LYPLAL1: variants seen among roughly 807,000 people sequenced by gnomAD.
LYPLAL1 encodes lysophospholipase like 1.
LYPLAL1 carries 23 observed loss-of-function variants against 19.7 expected under a neutral mutation model. The observed-to-expected ratio is 1.17, with a 90% confidence interval of 0.84 to 1.65. The LOEUF (loss-of-function observed/expected upper bound fraction) is 1.65. Among genes scored for constraint, LYPLAL1 ranks in the 40% most tolerant of loss-of-function variants. LYPLAL1 has a pLI of 0.00. For missense variants in LYPLAL1, 355 were observed against 279.4 expected (o/e 1.27, Z -1.93); for synonymous variants, 119 against 96.3 (o/e 1.24, Z -1.38).
chr1:219,264,616 A>C, the LYPLAL1 span, among the ~76,000 whole-genome samples: 1 of 152,166 alleles, frequency 6.6e-6, no homozygotes, highest in Non-Finnish European at 1.5e-5. Flanking sequence ...GGGGGTGGGC[A>C]GTCTGGAGTC....
At chr1:219,436,227 T>C in the LYPLAL1 span, among the ~76,000 whole-genome samples, 1 of 152,192 alleles carries the variant, frequency 6.6e-6, no homozygotes, top group Non-Finnish European at 1.5e-5. Flanking sequence ...CACTTGGACA[T>C]AAAAGTCTGG....
At chr1:219,378,454 G>A in the LYPLAL1 span, among the ~76,000 whole-genome samples, 2 of 152,200 alleles carry the variant, frequency 1.3e-5, no homozygotes, top group Non-Finnish European at 2.9e-5. Flanking sequence ...TACCTCCCAC[G>A]ACACATGGGG....
the LYPLAL1 span, among the ~76,000 whole-genome samples, chr1:219,328,775 C>A: frequency 6.6e-6 from 1 of 152,152 alleles, no homozygotes; most frequent in Admixed American, 6.5e-5. Context: ...GTGCTAATGT[C>A]ATCATTTGCC....
the LYPLAL1 span, among the ~76,000 whole-genome samples, chr1:219,280,495 G>A: frequency 8.6e-5 from 13 of 152,028 alleles, no homozygotes; most frequent in Non-Finnish European, 1.9e-4. Context: ...GTGGGAGAGG[G>A]GAGATGAAGG....
At chr1:219,410,692 C>A in the LYPLAL1 span, among the ~76,000 whole-genome samples, 2 of 152,186 alleles carry the variant, frequency 1.3e-5, no homozygotes, top group African/African-American at 4.8e-5. Flanking sequence ...GCGGCACTTG[C>A]GGGCCAGCTG....
chr1:219,269,139 G>A, the LYPLAL1 span, among the ~76,000 whole-genome samples: 1 of 152,212 alleles, frequency 6.6e-6, no homozygotes, highest in Non-Finnish European at 1.5e-5. Flanking sequence ...TGAATGGAGA[G>A]ACTGGAGATT....
At chr1:219,441,771 C>T in the LYPLAL1 span, among the ~76,000 whole-genome samples, 1 of 152,130 alleles carries the variant, frequency 6.6e-6, no homozygotes, top group East Asian at 1.9e-4. Context: ...AGCATACTCT[C>T]CACTCATTCC....
chr1:219,241,134 C>CTCTATA, the LYPLAL1 span, among the ~76,000 whole-genome samples: 624 of 44,322 alleles, frequency 0.014, 7 homozygotes, highest in Admixed American at 0.024. Context: ...CTCTCTCTCT[C>CTCTATA]TATATATATA....
At chr1:219,189,515 A>G (rs930463759) in intron 2 of LYPLAL1, among the ~76,000 whole-genome samples, 3 of 151,590 alleles carry the variant, frequency 2.0e-5, no homozygotes, top group African/African-American at 7.3e-5. Flanking sequence ...TTCTGGGAGG[A>G]GGAAGGTTTG....
chr1:219,393,432 C>A, the LYPLAL1 span, among the ~76,000 whole-genome samples: 1 of 152,126 alleles, frequency 6.6e-6, no homozygotes. Context: ...TCATAGCCAC[C>A]CTGGATGCCA....
chr1:219,186,635 T>A (rs1656746487), intron 2 of LYPLAL1, among the ~76,000 whole-genome samples: 1 of 151,856 alleles, frequency 6.6e-6, no homozygotes, highest in Non-Finnish European at 1.5e-5. Context: ...TCAGCTTCCC[T>A]ATGCTTATTG....
At chr1:219,288,737 G>A in the LYPLAL1 span, among the ~76,000 whole-genome samples, 1 of 152,196 alleles carries the variant, frequency 6.6e-6, no homozygotes, top group South Asian at 2.1e-4. Flanking sequence ...AATGGGGAAG[G>A]CTGACCATAT....
chr1:219,243,035 C>G, the LYPLAL1 span, among the ~76,000 whole-genome samples: 1 of 152,094 alleles, frequency 6.6e-6, no homozygotes, highest in Admixed American at 6.5e-5. Context: ...GAAAGAATGG[C>G]TGGAAGGGAG....
At chr1:219,423,782 A>G in the LYPLAL1 span, among the ~76,000 whole-genome samples, 6 of 152,116 alleles carry the variant, frequency 3.9e-5, no homozygotes, top group African/African-American at 1.2e-4. Context: ...CTCAGACACT[A>G]TACTTAGTAA....
At chr1:219,363,308 A>G in the LYPLAL1 span, among the ~76,000 whole-genome samples, 3 of 152,150 alleles carry the variant, frequency 2.0e-5, no homozygotes, top group Non-Finnish European at 4.4e-5. Flanking sequence ...TAGCACTTGA[A>G]ATATGCCTAG....
chr1:219,438,019 G>A, the LYPLAL1 span, among the ~76,000 whole-genome samples: 9 of 152,104 alleles, frequency 5.9e-5, no homozygotes, highest in Admixed American at 2.6e-4. Context: ...CAACCGCCTC[G>A]GCCTCCCAAA....
At chr1:219,404,135 C>T in the LYPLAL1 span, among the ~76,000 whole-genome samples, 12 of 151,708 alleles carry the variant, frequency 7.9e-5, no homozygotes, top group African/African-American at 2.2e-4. Context: ...AGAAATACCT[C>T]GTGTCTCTTT....
the LYPLAL1 span, among the ~76,000 whole-genome samples, chr1:219,358,163 C>A: frequency 4.7e-4 from 71 of 152,164 alleles, no homozygotes; most frequent in Admixed American, 1.5e-3. Context: ...CTAAAAAAAT[C>A]ATTTAGAAGG....
chr1:219,425,845 A>C, the LYPLAL1 span, among the ~76,000 whole-genome samples: 1 of 152,226 alleles, frequency 6.6e-6, no homozygotes, highest in Non-Finnish European at 1.5e-5. Flanking sequence ...TGGATTGCCT[A>C]AATTCAGGTA....
Sources: allele counts gnomAD v4.1 joint callset (sites outside exome capture counted in the v4.1 genomes callset), GRCh38; gene constraint gnomAD v4.1.1; transcripts MANE v1.5; gene names NCBI Gene and HGNC (gene_info 2026-07-23, HGNC 2026-07-21).